The following HTR2C variants were observed in gnomAD, a reference collection of about 807,000 sequenced individuals.
HTR2C encodes 5-hydroxytryptamine (serotonin) receptor 2C, G protein-coupled.
Under a neutral mutation model 21.0 loss-of-function variants are expected in HTR2C, and 5 were observed. That is an observed-to-expected ratio of 0.24 (90% CI 0.12 to 0.50). The LOEUF (loss-of-function observed/expected upper bound fraction) is 0.50, where lower values mean the gene tolerates loss of function less well. Ranked by LOEUF, HTR2C falls within the 20% of genes least tolerant of loss-of-function variation. The pLI is 0.98. For missense variants in HTR2C, 271 were observed against 371.2 expected, an observed-to-expected ratio of 0.73 and a Z score of 2.22; for synonymous variants, 150 against 145.3, an observed-to-expected ratio of 1.03 and a Z score of -0.23.
intron 4 of HTR2C, among the ~76,000 whole-genome samples, chrX:114,787,962 A>G (rs1351612111): frequency 9.1e-6 from 1 of 110,193 alleles, no homozygotes; most frequent in Non-Finnish European, 1.9e-5. Flanking sequence ...AAAAAAAAAA[A>G]AAAGAAATCC....
intron 1 of HTR2C, among the ~76,000 whole-genome samples, chrX:114,610,139 T>C (rs1483503739): frequency 8.9e-6 from 1 of 112,049 alleles, no homozygotes; most frequent in Non-Finnish European, 1.9e-5. Flanking sequence ...CTCCTTCTTT[T>C]TAAATGAGCA....
At chrX:114,863,493 A>G in intron 5 of HTR2C, among the ~76,000 whole-genome samples, 1 of 111,626 alleles carries the variant, frequency 9.0e-6, no homozygotes. Flanking sequence ...TGTAATCTGA[A>G]ATGACACTAG....
At chrX:114,878,985 G>T (rs1556479140) in intron 5 of HTR2C, among the ~76,000 whole-genome samples, 2 of 110,317 alleles carry the variant, frequency 1.8e-5, no homozygotes, top group Admixed American at 9.7e-5. Context: ...ATGTATAAAT[G>T]TTAACTACGT....
chrX:114,609,406 C>T (rs1312106890), intron 1 of HTR2C, among the ~76,000 whole-genome samples: 1 of 111,481 alleles, frequency 9.0e-6, no homozygotes, highest in Non-Finnish European at 1.9e-5. Context: ...AGAATATAAT[C>T]GTTTTCGTTA....
intron 4 of HTR2C, among the ~76,000 whole-genome samples, chrX:114,792,580 T>C (rs1221706388): frequency 1.8e-5 from 2 of 111,938 alleles, no homozygotes; most frequent in Non-Finnish European, 3.8e-5. Flanking sequence ...GCAATAAACA[T>C]ACGTGTGCAT....
Position 114,724,892 on chromosome X carries a change from G to A in HTR2C, c.-79-1966G>A, listed in dbSNP as rs1249896407. ...GTTTCTGCCGAGAGATCAGCTGTTA[G>A]TTTGATGGGCTTCCCTTTGAGAGTA... On this transcript the variant is annotated intron_variant, in intron 2 of 5. Transcript: ENST00000276198. Among the ~76,000 whole-genome samples the A allele has an allele frequency of 6.7e-5, 7 of 104,516 alleles. No individual in the cohort carries two copies. In the Admixed American group the frequency reaches 7.4e-4, roughly 11 times the overall value. 90.8% of individuals were successfully genotyped at this position (104,516 alleles called of 115,157 possible).
Position 114,694,714 on chromosome X carries a change from A to T in HTR2C, c.-79-32144A>T, listed in dbSNP as rs1242605087. ...CGTCATGTTGGCCAGGCTGGTCTCGAGCTCCTGACCTCAGGTGATCTGGCC... is the reference window on the plus strand; with the variant it reads ...CGTCATGTTGGCCAGGCTGGTCTCGTGCTCCTGACCTCAGGTGATCTGGCC... On this transcript the variant is annotated intron_variant, in intron 2 of 5. Transcript: ENST00000276198. Among the ~76,000 whole-genome samples, 6 of 109,474 alleles carry T rather than the reference A, an allele frequency of 5.5e-5. No individual in the cohort carries two copies. The Admixed American group carries it at 5.9e-4, about 11-fold the overall frequency.
intron 1 of HTR2C, among the ~76,000 whole-genome samples, chrX:114,603,288 T>C (rs1188013001): frequency 2.7e-5 from 3 of 111,278 alleles, no homozygotes; most frequent in Non-Finnish European, 5.7e-5. Flanking sequence ...AGGAAGAAAA[T>C]AGATTTTGGA....
chrX:114,666,523 A>C (rs1237802733), intron 2 of HTR2C, among the ~76,000 whole-genome samples: 1 of 111,838 alleles, frequency 8.9e-6, no homozygotes, highest in Non-Finnish European at 1.9e-5. Flanking sequence ...TATTATGTAC[A>C]ATGAATAGAG....
At chrX:114,866,758 T>A (rs2071049602) in intron 5 of HTR2C, among the ~76,000 whole-genome samples, 1 of 111,530 alleles carries the variant, frequency 9.0e-6, no homozygotes, top group African/African-American at 3.3e-5. Context: ...GTGATGTTTG[T>A]CTTTCTGTGC....
At chrX:114,816,631 G>T (rs2070587916) in intron 4 of HTR2C, among the ~76,000 whole-genome samples, 1 of 109,943 alleles carries the variant, frequency 9.1e-6, no homozygotes, top group African/African-American at 3.3e-5. Context: ...TTTCAAATAT[G>T]AAAATAGGAA....
intron 5 of HTR2C, among the ~76,000 whole-genome samples, chrX:114,899,702 T>G (rs1602928297): frequency 9.0e-6 from 1 of 111,071 alleles, no homozygotes; most frequent in East Asian, 2.9e-4. Context: ...TTGAGTTGTT[T>G]CCCTGATCAG....
chrX:114,704,036 A>G (rs782040287), intron 2 of HTR2C, among the ~76,000 whole-genome samples: 1 of 111,519 alleles, frequency 9.0e-6, no homozygotes, highest in African/African-American at 3.2e-5. Context: ...GAATAGACCA[A>G]TAACAGCCTC....
intron 2 of HTR2C, among the ~76,000 whole-genome samples, chrX:114,726,138 C>G (rs1933461068): frequency 8.9e-6 from 1 of 112,228 alleles, no homozygotes; most frequent in African/African-American, 3.2e-5. Context: ...GCAGTTTGAT[C>G]TCAGACTGCT....
chrX:114,736,956 T>C (rs2069595576), intron 4 of HTR2C, among the ~76,000 whole-genome samples: 1 of 111,361 alleles, frequency 9.0e-6, no homozygotes, highest in African/African-American at 3.3e-5. Flanking sequence ...AACACTGCTT[T>C]ATCAAAATCT....
chrX:114,669,092 G>GT (rs1294925345), intron 2 of HTR2C, among the ~76,000 whole-genome samples: 166 of 105,299 alleles, frequency 1.6e-3, no homozygotes, highest in Middle Eastern at 5.1e-3. Context: ...ACTTGTGTCA[G>GT]TTTTTTTTTT....
intron 4 of HTR2C, among the ~76,000 whole-genome samples, chrX:114,739,112 C>G (rs2069619893): frequency 9.1e-6 from 1 of 109,800 alleles, no homozygotes; most frequent in Admixed American, 9.8e-5. Flanking sequence ...GATAAAAATC[C>G]CTCAAGAATA....
In HTR2C at chrX:114,744,476, G is replaced by A. The variant is rs186120160; in HGVS notation, c.349+12869G>A. The stretch of plus-strand genomic sequence containing the variant: ...TCATTCTTTTTTTTTTTTTTTTGAC[G>A]GAGTCACGCTTTGTCGCCCAGGCTG... On this transcript the variant is annotated intron_variant, in intron 4 of 5. Coordinates refer to ENST00000276198, the MANE Select transcript of HTR2C (RefSeq NM_000868.4). 4.4e-3 allele frequency among the ~76,000 whole-genome samples: 456 copies of A among 102,666 alleles called. 3 individuals carry two copies. Among genetic ancestry groups the A allele is most frequent in the African/African-American group, 0.015 (425 of 27,579 alleles). The allele number at this position is 102,666 out of a possible 115,157, so 89.2% of individuals were successfully genotyped here. A position where few individuals can be genotyped will look rare whatever the true frequency, so the allele number is the denominator to read the frequency against.
rs1443322306 is a variant in HTR2C, at chrX:114,894,816, G to A, written c.551-11773G>A. 2.4e-4 allele frequency among the ~76,000 whole-genome samples: 27 copies of A among 110,361 alleles called. No individual in the cohort carries two copies. The Admixed American group carries it at 2.6e-3, about 11-fold the overall frequency. ...GCTCACTGCAACCTCTGCCTCCTGG[G>A]TTCAAGCGATTCTCATGCCTCAGCC... On this transcript the variant is annotated intron_variant, in intron 5 of 5. Transcript: ENST00000276198.
Sources: gnomAD v4.1 joint callset for allele counts (sites outside exome capture counted in the v4.1 genomes callset) on GRCh38, gnomAD v4.1.1 for gene constraint, MANE v1.5 for transcripts, NCBI Gene and HGNC (gene_info 2026-07-23, HGNC 2026-07-21) for gene names.